Variants in LHFPL5 observed in about 807,000 individuals in gnomAD.
The protein encoded by LHFPL5 is LHFPL tetraspan subfamily member 5.
Under a neutral mutation model 18.7 loss-of-function variants are expected in LHFPL5, and 12 were observed. That is an observed-to-expected ratio of 0.64 (90% CI 0.41 to 1.04). The LOEUF (loss-of-function observed/expected upper bound fraction) is 1.04, where lower values mean the gene tolerates loss of function less well. Among genes scored for constraint, LHFPL5 ranks in the 50% least tolerant of loss-of-function variants. LHFPL5 has a pLI of 0.00. For missense variants in LHFPL5, 259 were observed against 292.1 expected, an observed-to-expected ratio of 0.89 and a Z score of 0.83; for synonymous variants, 111 against 120.2, an observed-to-expected ratio of 0.92 and a Z score of 0.50.
intron 2 of LHFPL5, among the ~76,000 whole-genome samples, chr6:35,815,417 G>T (rs1026707245): frequency 1.3e-5 from 2 of 152,040 alleles, no homozygotes; most frequent in African/African-American, 4.8e-5. Flanking sequence ...TTCTTCCTAG[G>T]GTGCCTTTTG....
At chr6:35,812,977 T>C (rs1230951822) in intron 1 of LHFPL5, among the ~76,000 whole-genome samples, 2 of 151,842 alleles carry the variant, frequency 1.3e-5, no homozygotes, top group African/African-American at 4.8e-5. Flanking sequence ...ATCACTTGAA[T>C]CCGGGAGGCG....
chr6:35,820,722 A>G (rs1199906963), intron 3 of LHFPL5, among the ~76,000 whole-genome samples: 1 of 150,828 alleles, frequency 6.6e-6, no homozygotes, highest in Non-Finnish European at 1.5e-5. Context: ...TAAATAAATA[A>G]AATAGAATAA....
At chr6:35,806,385 A>T (rs908833351) in intron 1 of LHFPL5, among the ~76,000 whole-genome samples, 3 of 152,156 alleles carry the variant, frequency 2.0e-5, no homozygotes, top group Non-Finnish European at 4.4e-5. Flanking sequence ...AGGAGCACAC[A>T]GTTGCCAGTC....
chr6:35,817,492 C>T (rs926033966), intron 2 of LHFPL5, among the ~76,000 whole-genome samples: 5 of 151,908 alleles, frequency 3.3e-5, no homozygotes, highest in Admixed American at 2.6e-4. Flanking sequence ...ATATTAAGAA[C>T]TCCTATAACT....
intron 2 of LHFPL5, among the ~76,000 whole-genome samples, chr6:35,818,341 ATATATATGTATTTTTT>A (rs1561955648): frequency 7.6e-5 from 1 of 13,146 alleles, no homozygotes. Context: ...ATATATATAT[ATATATATGTATTTTTT>A]TTTTTTTTTT....
chr6:35,820,438 C>T (rs893743281), intron 3 of LHFPL5, among the ~76,000 whole-genome samples: 1 of 152,166 alleles, frequency 6.6e-6, no homozygotes, highest in Admixed American at 6.5e-5. Context: ...CGGTGACTCA[C>T]GCCTGTAATC....
Position 35,805,761 on chromosome 6 carries a change from A to G in LHFPL5, c.91A>G (p.Thr31Ala), listed in dbSNP as rs759468290. Residue 31 changes from threonine to alanine, a missense_variant, in exon 1 of 4, where the codon ACC becomes GCC. Thr to Ala is a moderately conservative substitution (Grantham distance 58). Transcript: ENST00000360215. This position sits in a 1 kb window ranked among gnomAD's most constrained non-coding sequence, Gnocchi z 4.3. Reference sequence around the variant, plus strand: ...GCGAGCCGTGGGCGTGATGTGGGGTACCCTCACCATCTGCTTCTCCGTACT... The same window carrying G: ...GCGAGCCGTGGGCGTGATGTGGGGTGCCCTCACCATCTGCTTCTCCGTACT... ...NSRAVGVMWGTLTICFSVLVM... is the reference protein window; with the variant it reads ...NSRAVGVMWGALTICFSVLVM... 2 of 1,614,106 alleles carry G rather than the reference A, an allele frequency of 1.2e-6. No homozygotes were observed. Among genetic ancestry groups the G allele is most frequent in the Middle Eastern group, 1.6e-4 (1 of 6,062 alleles).
At chr6:35,812,352 C>T (rs550010615) in intron 1 of LHFPL5, among the ~76,000 whole-genome samples, 6 of 152,272 alleles carry the variant, frequency 3.9e-5, no homozygotes, top group Non-Finnish European at 8.8e-5. Flanking sequence ...AACCTTGGGA[C>T]TAGAGAGCCT....
Position 35,805,936 on chromosome 6 carries a change from T to A in LHFPL5, c.266T>A (p.Ile89Asn). Residue 89 changes from isoleucine (I) to asparagine (N), a missense_variant, in exon 1 of 4, where the codon ATC becomes AAC. Coordinates refer to ENST00000360215, the MANE Select transcript of LHFPL5 (RefSeq NM_182548.4). This position sits in a 1 kb window ranked among gnomAD's most constrained non-coding sequence, Gnocchi z 4.3. ...GGCGGCCCCCTAGACTTCTCCTCCATCCCCTCTAGAGCCTTCAAGACTGCC... is the reference window on the plus strand; with the variant it reads ...GGCGGCCCCCTAGACTTCTCCTCCAACCCCTCTAGAGCCTTCAAGACTGCC... ...CKGGPLDFSSIPSRAFKTAMF... is the reference protein window; with the variant it reads ...CKGGPLDFSSNPSRAFKTAMF... The A allele has an allele frequency of 6.2e-7, 1 of 1,614,188 alleles. No homozygotes were observed. The highest frequency in any genetic ancestry group is 2.2e-5 in the East Asian group (1 of 44,880).
In LHFPL5 at chr6:35,823,650, G is replaced by C. The variant is rs1172282089; in HGVS notation, c.*685G>C. The C allele has an allele frequency of 6.6e-6, 1 of 151,834 alleles. No homozygotes were observed. The highest frequency in any genetic ancestry group is 2.4e-5 in the African/African-American group (1 of 41,308). 9.4% of individuals were successfully genotyped at this position (151,834 alleles called of 1,614,324 possible). On this transcript the variant is annotated 3_prime_UTR_variant, in exon 4 of 4. Coordinates refer to ENST00000360215, the MANE Select transcript of LHFPL5 (RefSeq NM_182548.4). ...GCTCAGAGGGGGGTAAGGAATGGAG[G>C]GGCCATCAGAACTTGAATCCTTTAA...
chr6:35,821,572 C>A (rs1768868489), intron 3 of LHFPL5, among the ~76,000 whole-genome samples: 1 of 151,430 alleles, frequency 6.6e-6, no homozygotes, highest in Non-Finnish European at 1.5e-5. Flanking sequence ...ACCTCCGCCT[C>A]CTGGGTTCAA....
Position 35,823,473 on chromosome 6 carries a change from A to ATACTCTCT in LHFPL5, c.*508_*509insTACTCTCT, listed in dbSNP as rs1561957952. The ATACTCTCT allele has an allele frequency of 8.7e-5, 8 of 91,614 alleles. No homozygotes were observed. The highest frequency in any genetic ancestry group is 2.5e-4 in the African/African-American group (7 of 27,832). The allele number at this position is 91,614 out of a possible 1,614,324, so 5.7% of individuals were successfully genotyped here. ...TACACACACACACACACACACACAC[A>ATACTCTCT]CACACTCTCTCTCTCTCTCAAACAC... On this transcript the variant is annotated 3_prime_UTR_variant, in exon 4 of 4. Transcript: ENST00000360215.
At position 35,814,465 on chromosome 6, in the gene LHFPL5, A is replaced by G. The variant is rs1437312303; in HGVS notation, c.413-81A>G. 1.8e-6 allele frequency: 2 copies of G among 1,081,640 alleles called. No individual in the cohort carries two copies. Among genetic ancestry groups the G allele is most frequent in the South Asian group, 1.2e-5 (1 of 80,036 alleles). The allele number at this position is 1,081,640 out of a possible 1,614,324, so 67.0% of individuals were successfully genotyped here. On this transcript the variant is annotated intron_variant, in intron 1 of 3. Transcript: ENST00000360215. This position sits in a 1 kb window ranked among gnomAD's most constrained non-coding sequence, Gnocchi z 4.2. ...ACAGAAGGAGAAGGGAGGTGACAACATAACAGCAGTGCAAGGTGTGGGAGG... is the reference window on the plus strand; with the variant it reads ...ACAGAAGGAGAAGGGAGGTGACAACGTAACAGCAGTGCAAGGTGTGGGAGG...
At chr6:35,816,601 C>T (rs749867493) in intron 2 of LHFPL5, among the ~76,000 whole-genome samples, 2 of 151,900 alleles carry the variant, frequency 1.3e-5, no homozygotes, top group Non-Finnish European at 2.9e-5. Context: ...CACTTGAGGT[C>T]AGGAGTTTGA....
intron 3 of LHFPL5, among the ~76,000 whole-genome samples, chr6:35,821,239 G>A (rs1164484899): frequency 3.3e-5 from 5 of 151,370 alleles, no homozygotes; most frequent in Admixed American, 6.6e-5. Context: ...AGGAGGCGGC[G>A]GTTGCCATGA....
chr6:35,820,833 G>A (rs960076900), intron 3 of LHFPL5, among the ~76,000 whole-genome samples: 2 of 152,172 alleles, frequency 1.3e-5, no homozygotes, highest in African/African-American at 4.8e-5. Flanking sequence ...CGCTTTCTGT[G>A]GGAAGGAGGG....
intron 1 of LHFPL5, among the ~76,000 whole-genome samples, chr6:35,810,744 G>A (rs982445775): frequency 7.9e-5 from 12 of 151,116 alleles, no homozygotes; most frequent in East Asian, 2.0e-4. Context: ...GGAGAATGGC[G>A]TGAACCCAGG....
In LHFPL5 at chr6:35,805,840, C is replaced by T. The variant is rs1338945107; in HGVS notation, c.170C>T (p.Pro57Leu). 3 of 1,614,258 alleles carry T rather than the reference C, an allele frequency of 1.9e-6. No homozygotes were observed. Among genetic ancestry groups the T allele is most frequent in the South Asian group, 1.1e-5 (1 of 91,086 alleles). The change falls in exon 1 of 4, where the codon CCG becomes CTG. Residue 57 changes from proline to leucine, a missense_variant. Pro to Leu is a moderately conservative substitution (Grantham distance 98). Transcript: ENST00000360215. The surrounding 1 kb of genome is among the most constrained non-coding windows in gnomAD (Gnocchi z 4.3). ...PYWIGDSVNT[P>L]QAGYFGLFSY... ...TGGATCGGCGACAGCGTCAACACAC[C>T]GCAGGCAGGCTACTTCGGCCTTTTC...
chr6:35,808,690 C>CTATCAGGGT (rs1441086462), intron 1 of LHFPL5, among the ~76,000 whole-genome samples: 1 of 150,446 alleles, frequency 6.6e-6, no homozygotes, highest in Non-Finnish European at 1.5e-5. Context: ...CTCTTCTTCC[C>CTATCAGGGT]TATCAGGGTT....
Sources: allele counts gnomAD v4.1 joint callset (sites outside exome capture counted in the v4.1 genomes callset), GRCh38; gene constraint gnomAD v4.1.1; non-coding constraint Gnocchi (gnomAD v3.1); transcripts MANE v1.5; gene names NCBI Gene and HGNC (gene_info 2026-07-23, HGNC 2026-07-21).